The following EPHA6 variants were observed in gnomAD, a reference collection of about 807,000 sequenced individuals.
EPHA6 encodes ephrin type-A receptor 6.
EPHA6 carries 50 observed loss-of-function variants against 112.0 expected under a neutral mutation model. The observed-to-expected ratio is 0.45, with a 90% CI of 0.36 to 0.56. The LOEUF is 0.56. EPHA6 is among the 20% of genes least tolerant of loss of function. The pLI is 0.00. For synonymous variants in EPHA6, 529 were observed against 490.7 expected (o/e 1.08, Z -1.03); for missense variants, 1,280 against 1,417.4 (o/e 0.90, Z 1.56).
At chr3:96,978,642 T>C (rs1247353840) in intron 2 of EPHA6, among the ~76,000 whole-genome samples, 1 of 152,138 alleles carries the variant, frequency 6.6e-6, no homozygotes, top group Non-Finnish European at 1.5e-5. Flanking sequence ...CTAATTCTAA[T>C]TTATTTTAAG....
chr3:97,612,618 A>G (rs1044858511), intron 13 of EPHA6: 1 of 207,004 alleles, frequency 4.8e-6, no homozygotes, highest in Non-Finnish European at 1.0e-5. Context: ...GAAGTAGTGT[A>G]TTTTATGCTT....
intron 2 of EPHA6, among the ~76,000 whole-genome samples, chr3:96,948,090 C>T (rs902728394): frequency 7.9e-5 from 12 of 152,034 alleles, no homozygotes; most frequent in Admixed American, 4.6e-4. Context: ...GTATCCTGTA[C>T]GTATTTTGGA....
In EPHA6 at chr3:97,385,163, T is replaced by C. The variant is rs142927428; in HGVS notation, c.1607-19987T>C. ...TCTATAATTTATTCTTTTATAACCATAAAAATTAGTATCTTTTGATGTGGA... is the reference window on the plus strand; with the variant it reads ...TCTATAATTTATTCTTTTATAACCACAAAAATTAGTATCTTTTGATGTGGA... On this transcript the variant is annotated intron_variant, in intron 5 of 17. Coordinates refer to ENST00000389672, the MANE Select transcript of EPHA6 (RefSeq NM_001080448.3). Among the ~76,000 whole-genome samples the C allele has an allele frequency of 1.7e-3, 259 of 152,250 alleles. 1 individual carries two copies. The highest frequency in any genetic ancestry group is 2.8e-3 in the Non-Finnish European group (189 of 68,006).
chr3:96,830,000 G>A, intron 1 of EPHA6, among the ~76,000 whole-genome samples: 1 of 144,542 alleles, frequency 6.9e-6, no homozygotes, highest in Non-Finnish European at 1.5e-5. Flanking sequence ...GAAATGGTAT[G>A]CTATTTGCTC....
chr3:97,687,126 A>T (rs1349117220), intron 14 of EPHA6, among the ~76,000 whole-genome samples: 1 of 152,054 alleles, frequency 6.6e-6, no homozygotes, highest in African/African-American at 2.4e-5. Context: ...ACTTTTCCAA[A>T]CTTTAATTAC....
At chr3:97,029,884 C>T (rs2044765453) in intron 3 of EPHA6, among the ~76,000 whole-genome samples, 1 of 152,018 alleles carries the variant, frequency 6.6e-6, no homozygotes, top group Non-Finnish European at 1.5e-5. Flanking sequence ...TCATTGAAAT[C>T]TATGAAGATG....
chr3:97,608,364 G>A (rs1030262366), intron 12 of EPHA6, among the ~76,000 whole-genome samples: 2 of 151,280 alleles, frequency 1.3e-5, no homozygotes, highest in Admixed American at 6.6e-5. Context: ...ATACTCCAGA[G>A]TGAGTTTCTT....
intron 10 of EPHA6, among the ~76,000 whole-genome samples, chr3:97,507,292 C>G (rs1222018398): frequency 6.6e-6 from 1 of 152,112 alleles, no homozygotes; most frequent in Non-Finnish European, 1.5e-5. Context: ...ATGATATTGG[C>G]TGTGGGTTTG....
intron 10 of EPHA6, among the ~76,000 whole-genome samples, chr3:97,494,696 A>T (rs1249236516): frequency 6.6e-6 from 1 of 152,132 alleles, no homozygotes; most frequent in East Asian, 1.9e-4. Context: ...GAGTAAAAAA[A>T]AAAAGTGCTT....
intron 5 of EPHA6, among the ~76,000 whole-genome samples, chr3:97,334,608 T>C (rs1397197844): frequency 6.6e-6 from 1 of 151,820 alleles, no homozygotes; most frequent in Admixed American, 6.6e-5. Context: ...GCCTCTCAAG[T>C]AGCTGGGACT....
chr3:97,490,948 CACAG>C (rs1178853794), intron 10 of EPHA6, among the ~76,000 whole-genome samples: 2 of 152,134 alleles, frequency 1.3e-5, no homozygotes, highest in Admixed American at 1.3e-4. Context: ...AGGGTTGTTG[CACAG>C]ACAGTTTTAA....
At chr3:97,305,510 G>T (rs915519228) in intron 5 of EPHA6, among the ~76,000 whole-genome samples, 1 of 151,826 alleles carries the variant, frequency 6.6e-6, no homozygotes, top group South Asian at 2.1e-4. Flanking sequence ...AATGTGGTAC[G>T]TATACACCAT....
intron 1 of EPHA6, among the ~76,000 whole-genome samples, chr3:96,829,949 G>GCACACACA (rs67227502): frequency 0.062 from 8,480 of 135,924 alleles, 308 homozygotes; most frequent in Middle Eastern, 0.093. Context: ...GCGCGCGCGC[G>GCACACACA]CACACACACA....
At chr3:96,963,697 C>T (rs2042024968) in intron 2 of EPHA6, among the ~76,000 whole-genome samples, 1 of 152,054 alleles carries the variant, frequency 6.6e-6, no homozygotes, top group South Asian at 2.1e-4. Context: ...CAAAAGTGAA[C>T]AGATATGCCA....
intron 10 of EPHA6, among the ~76,000 whole-genome samples, chr3:97,518,303 T>A (rs2092479016): frequency 6.6e-6 from 1 of 152,140 alleles, no homozygotes; most frequent in Non-Finnish European, 1.5e-5. Flanking sequence ...CATCTCCGTG[T>A]GGTTTTAAAT....
At chr3:97,073,657 A>T (rs565524996) in intron 3 of EPHA6, among the ~76,000 whole-genome samples, 46 of 152,176 alleles carry the variant, frequency 3.0e-4, no homozygotes, top group Admixed American at 2.8e-3. Context: ...TATTTTAAAA[A>T]TTTTTCTTCA....
chr3:97,462,978 T>C (rs991176523), intron 7 of EPHA6, among the ~76,000 whole-genome samples: 1 of 152,140 alleles, frequency 6.6e-6, no homozygotes, highest in Admixed American at 6.6e-5. Flanking sequence ...CAACTACTTA[T>C]TGTTTAACAG....
At chr3:97,122,999 C>G (rs1340953110) in intron 3 of EPHA6, among the ~76,000 whole-genome samples, 1 of 151,890 alleles carries the variant, frequency 6.6e-6, no homozygotes, top group African/African-American at 2.4e-5. Flanking sequence ...ATGCTGATTT[C>G]TTCTCAGAAT....
At chr3:97,001,832 T>C (rs1243316639) in intron 3 of EPHA6, among the ~76,000 whole-genome samples, 1 of 151,986 alleles carries the variant, frequency 6.6e-6, no homozygotes, top group Non-Finnish European at 1.5e-5. Context: ...AAAAACAAGC[T>C]CTGCTTTTCT....
Sources: allele counts gnomAD v4.1 joint callset (sites outside exome capture counted in the v4.1 genomes callset), GRCh38; gene constraint gnomAD v4.1.1; transcripts MANE v1.5; gene names NCBI Gene and HGNC (gene_info 2026-07-23, HGNC 2026-07-21).